The following GRK1 variants were observed in gnomAD, a reference collection of about 807,000 sequenced individuals.
GRK1 encodes G protein-coupled receptor kinase 1.
In GRK1, 28 loss-of-function variants were observed where a neutral mutation model predicts 41.7. That is an observed-to-expected ratio of 0.67 (90% CI 0.50 to 0.92). GRK1 has a LOEUF of 0.92. Among genes scored for constraint, GRK1 ranks in the 40% least tolerant of loss-of-function variants. The probability of loss-of-function intolerance (pLI) is 0.00; values close to 1 mark genes in which losing one functional copy is unlikely to be tolerated. For missense variants in GRK1, 703 were observed against 671.2 expected (o/e 1.05, Z -0.52); for synonymous variants, 327 against 286.7 (o/e 1.14, Z -1.42).
intron 4 of GRK1, among the ~76,000 whole-genome samples, chr13:113,730,866 T>C (rs1275031403): frequency 6.6e-6 from 1 of 152,214 alleles, no homozygotes; most frequent in Admixed American, 6.5e-5. Context: ...AAGAGAATGA[T>C]GTTGGATTCT....
chr13:113,652,157 G>T, the GRK1 span, among the ~76,000 whole-genome samples: 1 of 152,110 alleles, frequency 6.6e-6, no homozygotes, highest in Non-Finnish European at 1.5e-5. Flanking sequence ...TCTTCCCTGG[G>T]CTTCTCCAGC....
chr13:113,649,298 G>A, the GRK1 span: 113 of 1,499,638 alleles, frequency 7.5e-5, no homozygotes, highest in Non-Finnish European at 9.8e-5. This position sits in a 1 kb window ranked among gnomAD's most constrained non-coding sequence, Gnocchi z 4.7. Context: ...GGGAACTGAC[G>A]GGCAAGGTAA....
intron 4 of GRK1, among the ~76,000 whole-genome samples, chr13:113,729,878 T>C (rs2049921617): frequency 3.7e-5 from 5 of 134,738 alleles, no homozygotes; most frequent in Admixed American, 7.4e-5. Flanking sequence ...CCCAGACCCG[T>C]CCCTCCATCC....
At chr13:113,652,993 G>A in the GRK1 span, 5 of 1,614,084 alleles carry the variant, frequency 3.1e-6, no homozygotes, top group South Asian at 3.3e-5. Context: ...TGGTGTGGTT[G>A]GGAGCGCGGA....
At chr13:113,729,787 A>G (rs1304848037) in intron 4 of GRK1, among the ~76,000 whole-genome samples, 1 of 149,342 alleles carries the variant, frequency 6.7e-6, no homozygotes, top group Non-Finnish European at 1.5e-5. Flanking sequence ...CTGTGCCCAG[A>G]CCCACCCCTC....
At chr13:113,653,720 A>G in the GRK1 span, among the ~76,000 whole-genome samples, 1 of 152,232 alleles carries the variant, frequency 6.6e-6, no homozygotes, top group Non-Finnish European at 1.5e-5. Context: ...GTGACAGGTG[A>G]TGACTAATCC....
the GRK1 span, among the ~76,000 whole-genome samples, chr13:113,654,047 G>A: frequency 3.9e-5 from 6 of 152,122 alleles, no homozygotes; most frequent in African/African-American, 9.7e-5. Context: ...TCCACTTCCC[G>A]TGCGATTGGG....
intron 6 of GRK1, among the ~76,000 whole-genome samples, chr13:113,733,879 A>ATGCGTGTG (rs1221208942): frequency 0.086 from 6,701 of 78,124 alleles, 306 homozygotes; most frequent in South Asian, 0.18. Context: ...GCGTGTGTGC[A>ATGCGTGTG]TACGTGTGTG....
the GRK1 span, chr13:113,652,963 C>T: frequency 1.7e-5 from 28 of 1,614,076 alleles, no homozygotes; most frequent in Admixed American, 1.2e-4. Flanking sequence ...GCATATCTGC[C>T]GTGAACTTGC....
At chr13:113,728,835 G>A (rs562962365) in intron 4 of GRK1, among the ~76,000 whole-genome samples, 3 of 152,166 alleles carry the variant, frequency 2.0e-5, no homozygotes, top group Non-Finnish European at 4.4e-5. Flanking sequence ...CGGAAGGGCC[G>A]GGGAGGGCAC....
rs559638993 is a variant in GRK1, at chr13:113,731,659, C to T, written c.1194+316C>T. Among the ~76,000 whole-genome samples the T allele has an allele frequency of 1.1e-3, 168 of 152,276 alleles. No homozygotes were observed. Among genetic ancestry groups the T allele is most frequent in the Non-Finnish European group, 2.1e-3 (142 of 68,012 alleles). On this transcript the variant is annotated intron_variant, in intron 5 of 6. Coordinates refer to ENST00000335678, the MANE Select transcript of GRK1 (RefSeq NM_002929.3). This position sits in a 1 kb window ranked among gnomAD's most constrained non-coding sequence, Gnocchi z 5.6. ...TCAGCCTCTGAGGGCCCTGTGGGGG[C>T]CGGTCCCTCTGGTGCAGACCGGAGG...
chr13:113,669,188 C>A (rs1395264742), intron 1 of GRK1, among the ~76,000 whole-genome samples: 1 of 152,230 alleles, frequency 6.6e-6, no homozygotes, highest in Non-Finnish European at 1.5e-5. Context: ...TCAGGAATTC[C>A]CTCTTCAAAG....
intron 4 of GRK1, among the ~76,000 whole-genome samples, chr13:113,723,699 ACT>A (rs1275823020): frequency 6.6e-6 from 1 of 151,146 alleles, no homozygotes; most frequent in Non-Finnish European, 1.5e-5. Flanking sequence ...TCCCAGCTTG[ACT>A]CTTTCCTTTA....
At position 113,731,304 on chromosome 13, in the gene GRK1, G is replaced by A. The variant is rs1176288575; in HGVS notation, c.1155G>A (p.Met385Ile). 2.7e-5 allele frequency: 41 copies of A among 1,536,986 alleles called. No homozygotes were observed. Among genetic ancestry groups the A allele is most frequent in the Non-Finnish European group, 3.5e-5 (40 of 1,146,874 alleles). ...YFALGVTLYE[M>I]IAARGPFRAR... ...CCCTGGGGGTCACCCTGTATGAGAT[G>A]ATTGCGGCCAGAGGACCCTTCCGAG... Residue 385 changes from methionine to isoleucine, a missense_variant, in exon 5 of 7, where the codon ATG (methionine) becomes ATA (isoleucine). Physicochemically the swap from Met to Ile is conservative, Grantham distance 10 (BLOSUM62 1). Transcript: ENST00000335678. This position sits in a 1 kb window ranked among gnomAD's most constrained non-coding sequence, Gnocchi z 5.6.
the GRK1 span, among the ~76,000 whole-genome samples, chr13:113,652,233 G>A: frequency 1.2e-4 from 19 of 152,324 alleles, 1 homozygote; most frequent in South Asian, 1.7e-3. Flanking sequence ...TGGCCACCAC[G>A]CCCTGCTGGG....
chr13:113,659,031 T>C, the GRK1 span, among the ~76,000 whole-genome samples: 3 of 151,906 alleles, frequency 2.0e-5, no homozygotes, highest in Non-Finnish European at 1.5e-5. Context: ...TCACCGGGGG[T>C]CCGGGCAGTG....
chr13:113,654,994 A>G, the GRK1 span: 2 of 1,608,014 alleles, frequency 1.2e-6, no homozygotes, highest in African/African-American at 1.3e-5. Context: ...TTTAACGCAC[A>G]CAATTCGGTG....
At chr13:113,653,131 C>T in the GRK1 span, 6 of 1,557,936 alleles carry the variant, frequency 3.9e-6, no homozygotes, top group African/African-American at 5.4e-5. Flanking sequence ...CTGGCTGCCC[C>T]CCGGGAAGGC....
At chr13:113,728,972 C>G (rs369082868) in intron 4 of GRK1, among the ~76,000 whole-genome samples, 1 of 152,082 alleles carries the variant, frequency 6.6e-6, no homozygotes, top group African/African-American at 2.4e-5. Flanking sequence ...TGGGGGTGCC[C>G]GGAGGCTGCA....
Sources: allele counts gnomAD v4.1 joint callset (sites outside exome capture counted in the v4.1 genomes callset), GRCh38; gene constraint gnomAD v4.1.1; non-coding constraint Gnocchi (gnomAD v3.1); transcripts MANE v1.5; gene names NCBI Gene and HGNC (gene_info 2026-07-23, HGNC 2026-07-21).